Variants in MAF observed in about 807,000 individuals in gnomAD.
MAF encodes transcription factor Maf.
In MAF, 10 loss-of-function variants were observed where a neutral mutation model predicts 22.0. The observed-to-expected ratio is 0.45, with a 90% CI of 0.28 to 0.77. The LOEUF (loss-of-function observed/expected upper bound fraction) is 0.77, where lower values mean the gene tolerates loss of function less well. Among genes scored for constraint, MAF ranks in the 30% least tolerant of loss-of-function variants. The probability of loss-of-function intolerance (pLI) is 0.12; values close to 1 mark genes in which losing one functional copy is unlikely to be tolerated. For synonymous variants in MAF, 337 were observed against 255.8 expected (o/e 1.32, Z -3.03); for missense variants, 544 against 548.4 (o/e 0.99, Z 0.08).
At chr16:79,482,024 G>A in the MAF span, among the ~76,000 whole-genome samples, 1 of 152,180 alleles carries the variant, frequency 6.6e-6, no homozygotes, top group East Asian at 1.9e-4. Context: ...AAAAACTGCT[G>A]GGTCATGGGA....
chr16:79,300,663 T>C, the MAF span, among the ~76,000 whole-genome samples: 1 of 151,440 alleles, frequency 6.6e-6, no homozygotes, highest in African/African-American at 2.4e-5. Context: ...ACCAAATCAA[T>C]TAGAACAAAA....
At chr16:79,250,029 C>G in the MAF span, among the ~76,000 whole-genome samples, 1 of 152,190 alleles carries the variant, frequency 6.6e-6, no homozygotes, top group African/African-American at 2.4e-5. Flanking sequence ...TGAATTAGCC[C>G]GTTACCAGCA....
the MAF span, among the ~76,000 whole-genome samples, chr16:79,408,643 CCTT>C: frequency 3.9e-5 from 6 of 151,988 alleles, no homozygotes; most frequent in African/African-American, 1.2e-4. Context: ...ATTCTTCCAT[CCTT>C]CTTTTCTTTT....
chr16:79,387,035 A>T, the MAF span, among the ~76,000 whole-genome samples: 53 of 152,330 alleles, frequency 3.5e-4, no homozygotes, highest in African/African-American at 1.3e-3. Flanking sequence ...ATTTTCCCAG[A>T]ATAACTGTCT....
At chr16:79,455,381 T>C in the MAF span, among the ~76,000 whole-genome samples, 316 of 152,318 alleles carry the variant, frequency 2.1e-3, 3 homozygotes, top group African/African-American at 7.4e-3. Context: ...TTAGGTGCTC[T>C]GAATAAAAAA....
At chr16:79,303,212 C>G in the MAF span, among the ~76,000 whole-genome samples, 1 of 152,184 alleles carries the variant, frequency 6.6e-6, no homozygotes, top group Non-Finnish European at 1.5e-5. Flanking sequence ...GCAGAAGCAT[C>G]TGACTCTCAT....
At chr16:79,213,076 G>C in the MAF span, among the ~76,000 whole-genome samples, 7 of 152,162 alleles carry the variant, frequency 4.6e-5, no homozygotes, top group Middle Eastern at 3.2e-3. Flanking sequence ...CTGTGCAGAA[G>C]CTCTTATCTG....
the MAF span, among the ~76,000 whole-genome samples, chr16:79,522,980 C>G: frequency 3.3e-5 from 5 of 152,140 alleles, no homozygotes; most frequent in Admixed American, 3.3e-4. Flanking sequence ...TTACCCCGCA[C>G]AGGGAGAAAG....
chr16:79,596,078 T>C (rs1220045021), intron 1 of MAF: 3 of 1,062,314 alleles, frequency 2.8e-6, no homozygotes, highest in Non-Finnish European at 3.4e-6. Flanking sequence ...TACCGTTCAA[T>C]GCATATGTGC....
chr16:79,564,973 A>G, the MAF span, among the ~76,000 whole-genome samples: 1 of 152,306 alleles, frequency 6.6e-6, no homozygotes, highest in South Asian at 2.1e-4. Context: ...CGAACCTTAC[A>G]CATGTCTTAC....
the MAF span, among the ~76,000 whole-genome samples, chr16:79,273,652 G>A: frequency 2.3e-4 from 35 of 151,758 alleles, no homozygotes; most frequent in Non-Finnish European, 2.9e-4. Context: ...AATGGCAGGT[G>A]AAGCTCTTCT....
the MAF span, among the ~76,000 whole-genome samples, chr16:79,249,045 C>T: frequency 6.6e-6 from 1 of 152,088 alleles, no homozygotes; most frequent in Non-Finnish European, 1.5e-5. Flanking sequence ...ACCCCCAGTG[C>T]AATAGTATTG....
chr16:79,489,113 A>T, the MAF span, among the ~76,000 whole-genome samples: 2 of 152,060 alleles, frequency 1.3e-5, no homozygotes, highest in Non-Finnish European at 2.9e-5. Flanking sequence ...CCATCTATCC[A>T]TCCACTTACC....
the MAF span, among the ~76,000 whole-genome samples, chr16:79,215,633 T>C: frequency 6.6e-6 from 1 of 152,114 alleles, no homozygotes; most frequent in Non-Finnish European, 1.5e-5. Flanking sequence ...ACATGAGGCC[T>C]CGGGGAACTT....
At chr16:79,477,719 CA>C in the MAF span, among the ~76,000 whole-genome samples, 5 of 152,030 alleles carry the variant, frequency 3.3e-5, no homozygotes, top group South Asian at 2.1e-4. Flanking sequence ...AATTAAGTGA[CA>C]TTTTTTTTTT....
chr16:79,598,207 A>C, intron 1 of MAF: 1 of 1,052,686 alleles, frequency 9.5e-7, no homozygotes, highest in African/African-American at 1.7e-5. Context: ...GTTGAGAAGG[A>C]GTGAGGGTGG....
At chr16:79,261,399 C>T in the MAF span, among the ~76,000 whole-genome samples, 3 of 152,152 alleles carry the variant, frequency 2.0e-5, no homozygotes, top group Non-Finnish European at 2.9e-5. Context: ...GTGATCCACC[C>T]GCCTCGGCCT....
At chr16:79,310,358 C>CGAGAGA in the MAF span, among the ~76,000 whole-genome samples, 1 of 151,482 alleles carries the variant, frequency 6.6e-6, no homozygotes, top group South Asian at 2.1e-4. Context: ...CTGTTTCGGA[C>CGAGAGA]GAGAGAGAGA....
the MAF span, among the ~76,000 whole-genome samples, chr16:79,537,324 A>G: frequency 3.4e-4 from 52 of 152,352 alleles, no homozygotes; most frequent in African/African-American, 1.2e-3. Flanking sequence ...CATCATCATT[A>G]GCCTCTAATA....
Sources: gnomAD v4.1 joint callset for allele counts (sites outside exome capture counted in the v4.1 genomes callset) on GRCh38, gnomAD v4.1.1 for gene constraint, MANE v1.5 for transcripts, NCBI Gene and HGNC (gene_info 2026-07-23, HGNC 2026-07-21) for gene names.